The following ICA1 variants were observed in gnomAD, a reference collection of about 807,000 sequenced individuals.
ICA1 encodes islet cell autoantigen 1.
A neutral mutation model predicts 71.0 loss-of-function variants in ICA1; 40 were observed. The observed-to-expected ratio is 0.56, with a 90% CI of 0.44 to 0.73. The LOEUF (loss-of-function observed/expected upper bound fraction) is 0.73. Ranked by LOEUF, ICA1 falls within the 30% of genes least tolerant of loss-of-function variation. The probability of loss-of-function intolerance (pLI) is 0.00; values close to 1 mark genes in which losing one functional copy is unlikely to be tolerated. For synonymous variants in ICA1, 207 were observed against 209.5 expected (o/e 0.99, Z 0.10); for missense variants, 578 against 576.5 (o/e 1.00, Z -0.03).
At chr7:8,246,888 A>C (rs1330153969) in intron 1 of ICA1, among the ~76,000 whole-genome samples, 1 of 152,298 alleles carries the variant, frequency 6.6e-6, no homozygotes, top group African/African-American at 2.4e-5. Context: ...CTGGAACTAC[A>C]GGCATGTGCC....
intron 6 of ICA1, among the ~76,000 whole-genome samples, chr7:8,217,099 C>A (rs67340678): frequency 6.6e-6 from 1 of 152,040 alleles, no homozygotes; most frequent in Non-Finnish European, 1.5e-5. Context: ...TTTGATTTTT[C>A]TCTTCTATAA....
chr7:8,161,010 C>T (rs1352283487), intron 6 of ICA1, among the ~76,000 whole-genome samples: 2 of 152,224 alleles, frequency 1.3e-5, no homozygotes, highest in Non-Finnish European at 2.9e-5. Context: ...AGGAAGGCCG[C>T]CTCAGCTGGG....
chr7:8,211,493 G>T (rs1045937270), intron 6 of ICA1, among the ~76,000 whole-genome samples: 1 of 151,710 alleles, frequency 6.6e-6, no homozygotes. Flanking sequence ...GAGTACCATG[G>T]GCCCTGGATT....
intron 10 of ICA1, among the ~76,000 whole-genome samples, chr7:8,141,150 A>C (rs1795096169): frequency 6.6e-6 from 1 of 152,238 alleles, no homozygotes; most frequent in Admixed American, 6.5e-5. Context: ...GTGAAGGACC[A>C]ATGAAAACAC....
chr7:8,194,900 AT>A (rs1418798101), intron 6 of ICA1, among the ~76,000 whole-genome samples: 2 of 152,278 alleles, frequency 1.3e-5, no homozygotes, highest in East Asian at 1.9e-4. Context: ...GCTTCAAAAA[AT>A]TTTTTTATGT....
intron 8 of ICA1, among the ~76,000 whole-genome samples, chr7:8,152,142 G>A (rs1446033651): frequency 6.6e-6 from 1 of 152,112 alleles, no homozygotes; most frequent in Non-Finnish European, 1.5e-5. Context: ...GGACAGGTTT[G>A]GGAATCGAGC....
At chr7:8,242,962 T>A (rs1230203730) in intron 1 of ICA1, among the ~76,000 whole-genome samples, 2 of 152,188 alleles carry the variant, frequency 1.3e-5, no homozygotes, top group Admixed American at 6.5e-5. Context: ...ACCAGACGGA[T>A]TCACAGCCGA....
chr7:8,226,408 T>A lies in ICA1; in HGVS notation c.256+2193A>T, dbSNP rs146047836. Among the ~76,000 whole-genome samples the A allele has an allele frequency of 2.1e-3, 317 of 152,304 alleles. No homozygotes were observed. The highest frequency in any genetic ancestry group is 7.2e-3 in the African/African-American group (301 of 41,566). Reference sequence around the variant, plus strand: ...TAAAAAAATGGTAATACACACACTCTCCATATATTACCTTTTTTTACATTT... The same window carrying A: ...TAAAAAAATGGTAATACACACACTCACCATATATTACCTTTTTTTACATTT... On this transcript the variant is annotated intron_variant, in intron 4 of 13. Coordinates refer to ENST00000402384, the MANE Select transcript of ICA1 (RefSeq NM_001136020.3). The surrounding 1 kb of genome is among the most constrained non-coding windows in gnomAD (Gnocchi z 4.4).
chr7:8,259,504 C>T (rs1811478758), intron 1 of ICA1, among the ~76,000 whole-genome samples: 1 of 152,188 alleles, frequency 6.6e-6, no homozygotes, highest in Non-Finnish European at 1.5e-5. Context: ...AAAGCAGCAG[C>T]ATTCTTTTTA....
chr7:8,232,388 TA>T (rs1800531140), intron 3 of ICA1, among the ~76,000 whole-genome samples: 1 of 152,194 alleles, frequency 6.6e-6, no homozygotes. Context: ...ACTATGTTCT[TA>T]AAATACAGAG....
Position 8,160,956 on chromosome 7 carries a change from A to T in ICA1, c.580-2304T>A, listed in dbSNP as rs527587034. Among the ~76,000 whole-genome samples, 12 of 152,312 alleles carry T rather than the reference A, an allele frequency of 7.9e-5. 1 individual carries two copies. In the South Asian group the frequency reaches 1.9e-3, roughly 24 times the overall value. ...GAATCGGGGGAGTCTGGAGGGGAAGATGTTCACTGTAGATCCCTGTGTTGG... is the reference window on the plus strand; with the variant it reads ...GAATCGGGGGAGTCTGGAGGGGAAGTTGTTCACTGTAGATCCCTGTGTTGG... On this transcript the variant is annotated intron_variant, in intron 6 of 13. Transcript: ENST00000402384.
At chr7:8,142,500 GA>G (rs61106940) in intron 9 of ICA1, among the ~76,000 whole-genome samples, 147,543 of 152,318 alleles carry the variant, frequency 0.97, 71,482 homozygotes, top group East Asian at 1. Context: ...AACAAATCAA[GA>G]AAAATCCCAG....
At chr7:8,127,395 G>T (rs117541361) in intron 13 of ICA1, among the ~76,000 whole-genome samples, 175 of 152,208 alleles carry the variant, frequency 1.1e-3, no homozygotes, top group Middle Eastern at 3.4e-3. Context: ...TGGATCTAGT[G>T]GGGGGTCCTC....
chr7:8,194,551 T>A (rs1585094056), intron 6 of ICA1, among the ~76,000 whole-genome samples: 1 of 152,186 alleles, frequency 6.6e-6, no homozygotes, highest in African/African-American at 2.4e-5. Context: ...CCTTGAGCCA[T>A]CAAAAGCTAT....
intron 10 of ICA1, 75 bp from the exon 11 acceptor site, chr7:8,139,122 G>A: frequency 2.5e-6 from 3 of 1,178,004 alleles, no homozygotes; most frequent in Non-Finnish European, 3.8e-6. Context: ...TGCAGTGTAA[G>A]GTAAATGCAC....
intron 6 of ICA1, among the ~76,000 whole-genome samples, chr7:8,187,246 C>T (rs529463588): frequency 6.6e-6 from 1 of 152,312 alleles, no homozygotes; most frequent in East Asian, 1.9e-4. Flanking sequence ...TTATATTACA[C>T]ATGAGATGGC....
chr7:8,177,856 C>T (rs1781074671), intron 6 of ICA1, among the ~76,000 whole-genome samples: 1 of 152,158 alleles, frequency 6.6e-6, no homozygotes, highest in African/African-American at 2.4e-5. Context: ...TCAGGTCCTT[C>T]CCTTTATGGA....
chr7:8,217,133 T>C (rs753767819), intron 6 of ICA1, among the ~76,000 whole-genome samples: 8 of 152,208 alleles, frequency 5.3e-5, no homozygotes, highest in Admixed American at 5.2e-4. Flanking sequence ...CACCAGAGGA[T>C]CATGAGCAGC....
intron 6 of ICA1, among the ~76,000 whole-genome samples, chr7:8,164,121 A>G (rs1449852787): frequency 1.3e-5 from 2 of 151,944 alleles, no homozygotes; most frequent in East Asian, 3.9e-4. Context: ...CCTGGCCAAC[A>G]TGGTGAAACC....
Sources: allele counts gnomAD v4.1 joint callset (sites outside exome capture counted in the v4.1 genomes callset), GRCh38; gene constraint gnomAD v4.1.1; non-coding constraint Gnocchi (gnomAD v3.1); transcripts MANE v1.5; gene names NCBI Gene and HGNC (gene_info 2026-07-23, HGNC 2026-07-21).